Variants in PDE4D observed in about 807,000 individuals in gnomAD.
The protein encoded by PDE4D is 3',5'-cyclic-AMP phosphodiesterase 4D.
Under a neutral mutation model 87.4 loss-of-function variants are expected in PDE4D, and 24 were observed. That is an observed-to-expected ratio of 0.27 (90% CI 0.20 to 0.39). PDE4D has a LOEUF of 0.39. Among genes scored for constraint, PDE4D ranks in the 10% least tolerant of loss-of-function variants. The pLI, the probability that PDE4D is intolerant of heterozygous loss-of-function variation, is 1.00. For synonymous variants in PDE4D, 384 were observed against 383.2 expected (o/e 1.00, Z -0.02); for missense variants, 714 against 1,041.0 (o/e 0.69, Z 4.32).
At chr5:59,552,437 T>A (rs1250635407) in intron 1 of PDE4D, among the ~76,000 whole-genome samples, 1 of 152,204 alleles carries the variant, frequency 6.6e-6, no homozygotes, top group Non-Finnish European at 1.5e-5. Flanking sequence ...TTTCAAGTTG[T>A]TGTACTAGAA....
At chr5:59,878,645 A>G (rs1037777455) in intron 1 of PDE4D, among the ~76,000 whole-genome samples, 1 of 152,084 alleles carries the variant, frequency 6.6e-6, no homozygotes, top group Non-Finnish European at 1.5e-5. Context: ...TTGGAAATAC[A>G]TGTAATTTAA....
chr5:59,575,403 A>G (rs974603076), intron 1 of PDE4D, among the ~76,000 whole-genome samples: 2 of 152,206 alleles, frequency 1.3e-5, no homozygotes. Context: ...ACATATCTTC[A>G]AGGAAAGAAA....
intron 1 of PDE4D, among the ~76,000 whole-genome samples, chr5:60,301,937 GT>G (rs1753937910): frequency 1.3e-5 from 2 of 152,138 alleles, no homozygotes; most frequent in South Asian, 4.2e-4. Flanking sequence ...TAATGATGTG[GT>G]TTTTGTCTTT....
chr5:60,021,006 G>C (rs1232499500), intron 2 of PDE4D, among the ~76,000 whole-genome samples: 1 of 152,126 alleles, frequency 6.6e-6, no homozygotes, highest in African/African-American at 2.4e-5. Context: ...AATCATTTGG[G>C]ATCATGTTTG....
chr5:60,282,801 A>C (rs1344773440), intron 1 of PDE4D, among the ~76,000 whole-genome samples: 1 of 152,188 alleles, frequency 6.6e-6, no homozygotes, highest in Admixed American at 6.5e-5. Context: ...TGGAAGCATG[A>C]TATTTAGTGT....
chr5:59,221,484 T>G (rs6872782), intron 1 of PDE4D, among the ~76,000 whole-genome samples: 42,360 of 151,756 alleles, frequency 0.28, 8,120 homozygotes, highest in African/African-American at 0.54. Flanking sequence ...ATTTTAAAAT[T>G]ACCTGGGTGT....
rs567299404 is a variant in PDE4D, at chr5:59,170,842, T to C, written c.808+9753A>G. ...GATTGTTTTTAACCCTTTATGCACA[T>C]TCACAGTGCTGTAATGAACATGTGT... On this transcript the variant is annotated intron_variant, in intron 5 of 14. Coordinates refer to ENST00000340635, the MANE Select transcript of PDE4D (RefSeq NM_001104631.2). 3.9e-5 allele frequency among the ~76,000 whole-genome samples: 6 copies of C among 152,290 alleles called. No homozygotes were observed. In the South Asian group the frequency reaches 1.2e-3, roughly 32 times the overall value.
chr5:59,056,823 C>A (rs1762450854), intron 5 of PDE4D, among the ~76,000 whole-genome samples: 1 of 152,106 alleles, frequency 6.6e-6, no homozygotes, highest in Non-Finnish European at 1.5e-5. Flanking sequence ...TGTATATGTG[C>A]CACATTAAAA....
intron 1 of PDE4D, among the ~76,000 whole-genome samples, chr5:59,595,616 C>T (rs1318272815): frequency 2.0e-5 from 3 of 152,172 alleles, no homozygotes; most frequent in Non-Finnish European, 4.4e-5. Flanking sequence ...ACTCAAACCT[C>T]TCCACTCTCA....
chr5:59,864,832 G>A (rs1376363333), intron 1 of PDE4D, among the ~76,000 whole-genome samples: 1 of 152,162 alleles, frequency 6.6e-6, no homozygotes, highest in Non-Finnish European at 1.5e-5. Flanking sequence ...GGGCTACAGA[G>A]AGGAGTTGCT....
intron 1 of PDE4D, among the ~76,000 whole-genome samples, chr5:60,207,795 G>T (rs1352835105): frequency 6.6e-6 from 1 of 152,190 alleles, no homozygotes; most frequent in Non-Finnish European, 1.5e-5. Context: ...ATCACATTTA[G>T]TATTGAATCA....
At chr5:60,457,066 C>G (rs1746526169) in intron 1 of PDE4D, among the ~76,000 whole-genome samples, 1 of 152,208 alleles carries the variant, frequency 6.6e-6, no homozygotes, top group Non-Finnish European at 1.5e-5. Context: ...TGGAGGCACA[C>G]AAGCTCCTTG....
At chr5:59,063,252 T>C (rs1481077337) in intron 5 of PDE4D, 2 of 152,196 alleles carry the variant, frequency 1.3e-5, no homozygotes, top group Non-Finnish European at 2.9e-5. Context: ...CCATGAAAGA[T>C]GCATTATTTG....
At chr5:58,996,162 A>G (rs1749176995) in intron 6 of PDE4D, among the ~76,000 whole-genome samples, 1 of 152,178 alleles carries the variant, frequency 6.6e-6, no homozygotes, top group African/African-American at 2.4e-5. Flanking sequence ...GAAGGACAGC[A>G]TTAGGCAAAA....
intron 1 of PDE4D, among the ~76,000 whole-genome samples, chr5:59,503,521 A>G (rs1808694803): frequency 6.6e-6 from 1 of 152,198 alleles, no homozygotes; most frequent in South Asian, 2.1e-4. Context: ...TATGATCCAC[A>G]GCTGTCTATA....
intron 1 of PDE4D, among the ~76,000 whole-genome samples, chr5:59,750,117 C>A (rs1760217787): frequency 7.3e-6 from 1 of 137,438 alleles, no homozygotes; most frequent in Non-Finnish European, 1.5e-5. Context: ...CTACTTTTAC[C>A]TCTATTTCTC....
At chr5:59,923,412 G>A (rs2152780323) in intron 3 of PDE4D, among the ~76,000 whole-genome samples, 1 of 152,308 alleles carries the variant, frequency 6.6e-6, no homozygotes, top group African/African-American at 2.4e-5. Context: ...GAGATCCAAT[G>A]CTGTGTTGGC....
intron 5 of PDE4D, among the ~76,000 whole-genome samples, chr5:59,136,020 T>G (rs1777015812): frequency 1.6e-5 from 1 of 61,256 alleles, no homozygotes; most frequent in Non-Finnish European, 3.7e-5. Context: ...TTTAAAAGAC[T>G]AAATGATAAA....
Position 59,203,455 on chromosome 5 carries a change from C to T in PDE4D, c.648-9919G>A, listed in dbSNP as rs1193778974. Among the ~76,000 whole-genome samples the T allele has an allele frequency of 4.6e-5, 7 of 152,112 alleles. No individual in the cohort carries two copies. The East Asian group carries it at 1.4e-3, about 29-fold the overall frequency. ...GGTCTTCAAAAAATTAAGGATAAAA[C>T]TACCATATGATCCAGCAATTCTACT... On this transcript the variant is annotated intron_variant, in intron 2 of 14. Transcript: ENST00000340635.
Sources: allele counts gnomAD v4.1 joint callset (sites outside exome capture counted in the v4.1 genomes callset), GRCh38; gene constraint gnomAD v4.1.1; transcripts MANE v1.5; gene names NCBI Gene and HGNC (gene_info 2026-07-23, HGNC 2026-07-21).